FAT1: variants seen among roughly 807,000 people sequenced by gnomAD.
The protein encoded by FAT1 is FAT atypical cadherin 1.
A neutral mutation model predicts 329.8 loss-of-function variants in FAT1; 171 were observed. The observed-to-expected ratio is 0.52, with a 90% CI of 0.46 to 0.59. The LOEUF (loss-of-function observed/expected upper bound fraction) is 0.59. Among genes scored for constraint, FAT1 ranks in the 20% least tolerant of loss-of-function variants. FAT1 has a pLI of 0.00. For synonymous variants in FAT1, 2,233 were observed against 2,228.6 expected (o/e 1.00, Z -0.06); for missense variants, 5,672 against 5,774.4 (o/e 0.98, Z 0.57).
In FAT1 at chr4:186,637,158, C is replaced by T. The variant is rs535988001; in HGVS notation, c.3643-244G>A. ...TAAGAAAGAAACAGCTGCACCCCTG[C>T]GCGCCTTCCTGACCACGCAGGCTCT... On this transcript the variant is annotated intron_variant, in intron 4 of 26. Coordinates refer to ENST00000441802, the MANE Select transcript of FAT1 (RefSeq NM_005245.4). Among the ~76,000 whole-genome samples, 17 of 152,196 alleles carry T rather than the reference C, an allele frequency of 1.1e-4. 1 individual carries two copies. In the South Asian group the frequency reaches 2.7e-3, roughly 24 times the overall value.
rs2126564893 is a variant in FAT1 at position 186,636,854 on chromosome 4, T to C, written c.3703A>G (p.Ile1235Val). ...GGTTTGTTGTCATTTTCATCAAGGA[T>C]TTTCACAATGACTCTTGCAATGGTT... ...KSTIARVIVK[I>V]LDENDNKPQF... Residue 1235 changes from isoleucine (I) to valine (V), a missense_variant, in exon 5 of 27, where the codon ATC (isoleucine) becomes GTC (valine). Ile to Val is a conservative substitution (Grantham distance 29). Coordinates refer to ENST00000441802, the MANE Select transcript of FAT1 (RefSeq NM_005245.4). 1.2e-6 allele frequency: 2 copies of C among 1,613,962 alleles called. No individual in the cohort carries two copies. The highest frequency in any genetic ancestry group is 8.5e-7 in the Non-Finnish European group (1 of 1,179,866).
chr4:186,666,380 T>C (rs1428798964), intron 2 of FAT1, among the ~76,000 whole-genome samples: 1 of 152,236 alleles, frequency 6.6e-6, no homozygotes, highest in Non-Finnish European at 1.5e-5. Context: ...GCTCAAATAA[T>C]AACCTTTCCC....
At chr4:186,652,683 T>C (rs1741721250) in intron 3 of FAT1, among the ~76,000 whole-genome samples, 1 of 152,188 alleles carries the variant, frequency 6.6e-6, no homozygotes, top group Admixed American at 6.5e-5. Flanking sequence ...GGCCCGTCCT[T>C]TCCTTCCTTT....
chr4:186,589,405 C>T (rs1220667238), intron 26 of FAT1, among the ~76,000 whole-genome samples, 185 bp from the exon 27 acceptor site: 16 of 152,112 alleles, frequency 1.1e-4, no homozygotes, highest in Admixed American at 9.8e-4. Flanking sequence ...TTTAAAGACC[C>T]CTATGAACTA....
intron 3 of FAT1, among the ~76,000 whole-genome samples, chr4:186,655,940 C>T (rs1157874664): frequency 2.6e-5 from 4 of 152,330 alleles, no homozygotes; most frequent in South Asian, 2.1e-4. Context: ...AGATCAGGTA[C>T]GACCGCCAGT....
chr4:186,631,424 C>T (rs1223874908), intron 7 of FAT1, among the ~76,000 whole-genome samples: 4 of 150,290 alleles, frequency 2.7e-5, no homozygotes, highest in Non-Finnish European at 4.4e-5. Context: ...TCCATCCCCG[C>T]GGTATCCTAG....
intron 2 of FAT1, among the ~76,000 whole-genome samples, chr4:186,677,567 A>G (rs1267132381): frequency 6.6e-6 from 1 of 152,140 alleles, no homozygotes; most frequent in Non-Finnish European, 1.5e-5. Flanking sequence ...AAATCACAAA[A>G]GAGGGCACAC....
intron 2 of FAT1, among the ~76,000 whole-genome samples, chr4:186,694,094 T>C (rs1167676188): frequency 7.6e-6 from 1 of 131,030 alleles, no homozygotes; most frequent in Admixed American, 7.3e-5. Flanking sequence ...TCCACCATCT[T>C]CCTATTTCTC....
intron 2 of FAT1, among the ~76,000 whole-genome samples, chr4:186,670,295 T>G (rs535054929): frequency 1.3e-5 from 2 of 152,204 alleles, no homozygotes; most frequent in Admixed American, 1.3e-4. Context: ...TACAACTGCT[T>G]AAGGCAGCAA....
chr4:186,698,880 A>G (rs550781458), intron 2 of FAT1, among the ~76,000 whole-genome samples: 1 of 152,380 alleles, frequency 6.6e-6, no homozygotes, highest in African/African-American at 2.4e-5. Context: ...CTCCTAACGC[A>G]TCACACCATA....
chr4:186,618,176 C>G lies in FAT1; in HGVS notation c.8410G>C (p.Asp2804His), dbSNP rs2126492077. The G allele has an allele frequency of 6.2e-7, 1 of 1,614,000 alleles. No individual in the cohort carries two copies. The highest frequency in any genetic ancestry group is 8.5e-7 in the Non-Finnish European group (1 of 1,179,886). Reference sequence around the variant, plus strand: ...CTAGATTCAAAGACCGGGCTGTTGTCATTTGCATCTTTCACTTGGATACTA... The same window carrying G: ...CTAGATTCAAAGACCGGGCTGTTGTGATTTGCATCTTTCACTTGGATACTA... ...DVSIQVKDANDNSPVFESSPY... is the reference protein window; with the variant it reads ...DVSIQVKDANHNSPVFESSPY... Residue 2804 changes from aspartate (D) to histidine (H), a missense_variant, in exon 10 of 27, where the codon GAC becomes CAC. Transcript: ENST00000441802.
intron 2 of FAT1, among the ~76,000 whole-genome samples, chr4:186,686,624 C>G (rs1337297075): frequency 6.6e-6 from 1 of 152,058 alleles, no homozygotes; most frequent in Non-Finnish European, 1.5e-5. Context: ...TGTTCTTTTC[C>G]CAACTGCATT....
chr4:186,683,154 C>T (rs1175185353), intron 2 of FAT1, among the ~76,000 whole-genome samples: 2 of 152,202 alleles, frequency 1.3e-5, no homozygotes, highest in East Asian at 1.9e-4. Flanking sequence ...GTTGGCTCTT[C>T]GTTCTTGTCA....
At chr4:186,633,893 C>T in intron 6 of FAT1, 70 bp from the exon 7 acceptor site, 1 of 1,552,864 alleles carries the variant, frequency 6.4e-7, no homozygotes, top group Non-Finnish European at 8.8e-7. Context: ...GTGGCTTTCT[C>T]ATACTTAATG....
chr4:186,681,892 C>T (rs1401820078), intron 2 of FAT1, among the ~76,000 whole-genome samples: 1 of 152,202 alleles, frequency 6.6e-6, no homozygotes, highest in Non-Finnish European at 1.5e-5. Context: ...CCTTTGCCTC[C>T]ATAACTATCT....
At chr4:186,688,713 C>T (rs1320214148) in intron 2 of FAT1, among the ~76,000 whole-genome samples, 1 of 148,360 alleles carries the variant, frequency 6.7e-6, no homozygotes, top group Non-Finnish European at 1.5e-5. Flanking sequence ...AGCCAGCAGC[C>T]GGCACAAAAT....
intron 2 of FAT1, among the ~76,000 whole-genome samples, chr4:186,694,507 T>C (rs1743936503): frequency 6.6e-6 from 1 of 152,250 alleles, no homozygotes; most frequent in African/African-American, 2.4e-5. Context: ...TTAGATGTAG[T>C]TACTAAAATA....
At chr4:186,690,071 C>T (rs1743682194) in intron 2 of FAT1, among the ~76,000 whole-genome samples, 2 of 151,988 alleles carry the variant, frequency 1.3e-5, no homozygotes, top group Non-Finnish European at 2.9e-5. Context: ...TACAAATAAA[C>T]AAAAAACATG....
At chr4:186,688,635 A>G (rs1743595000) in intron 2 of FAT1, among the ~76,000 whole-genome samples, 1 of 130,008 alleles carries the variant, frequency 7.7e-6, no homozygotes, top group Admixed American at 8.4e-5. Context: ...TGGTTCACCC[A>G]GCAAGAGTAC....
Sources: allele counts gnomAD v4.1 joint callset (sites outside exome capture counted in the v4.1 genomes callset), GRCh38; gene constraint gnomAD v4.1.1; transcripts MANE v1.5; gene names NCBI Gene and HGNC (gene_info 2026-07-23, HGNC 2026-07-21).